GRIK2: variants seen among roughly 807,000 people sequenced by gnomAD.
GRIK2 encodes the protein glutamate receptor ionotropic, kainate 2.
Under a neutral mutation model 100.3 loss-of-function variants are expected in GRIK2, and 32 were observed. The observed-to-expected ratio is 0.32, with a 90% CI of 0.24 to 0.43. The LOEUF (loss-of-function observed/expected upper bound fraction) is 0.43. GRIK2 is among the 20% of genes least tolerant of loss of function. The pLI, the probability that GRIK2 is intolerant of heterozygous loss-of-function variation, is 1.00. For synonymous variants in GRIK2, 417 were observed against 389.4 expected, an observed-to-expected ratio of 1.07 and a Z score of -0.83; for missense variants, 843 against 1,114.9, an observed-to-expected ratio of 0.76 and a Z score of 3.47.
At chr6:101,937,735 T>G (rs991255695) in intron 14 of GRIK2, among the ~76,000 whole-genome samples, 1 of 152,064 alleles carries the variant, frequency 6.6e-6, no homozygotes, top group Admixed American at 6.6e-5. Context: ...ATTATACTTA[T>G]TGACATTGTG....
intron 10 of GRIK2, among the ~76,000 whole-genome samples, chr6:101,828,950 G>T (rs1337060999): frequency 6.6e-6 from 1 of 151,786 alleles, no homozygotes; most frequent in Non-Finnish European, 1.5e-5. Context: ...ATCTGGCAAA[G>T]ATACAACAAA....
intron 11 of GRIK2, among the ~76,000 whole-genome samples, chr6:101,873,580 G>GC (rs1388232004): frequency 2.6e-5 from 4 of 151,998 alleles, no homozygotes; most frequent in Non-Finnish European, 5.9e-5. Flanking sequence ...CTTTATAGCA[G>GC]CATGATTTAT....
At chr6:101,898,833 A>G (rs1400616517) in intron 12 of GRIK2, among the ~76,000 whole-genome samples, 1 of 152,000 alleles carries the variant, frequency 6.6e-6, no homozygotes, top group Non-Finnish European at 1.5e-5. Flanking sequence ...TCAATGTTAA[A>G]TAATAATGTA....
chr6:101,821,368 C>T (rs566760641), intron 10 of GRIK2, among the ~76,000 whole-genome samples: 43 of 152,198 alleles, frequency 2.8e-4, no homozygotes, highest in African/African-American at 9.6e-4. Flanking sequence ...ATGCCTAAAA[C>T]GTACCCCATA....
chr6:101,547,909 T>C (rs1776324453), intron 2 of GRIK2, among the ~76,000 whole-genome samples: 1 of 152,204 alleles, frequency 6.6e-6, no homozygotes, highest in African/African-American at 2.4e-5. Flanking sequence ...ACTCCCACAA[T>C]GGTTGAACTA....
chr6:101,989,849 T>G (rs1482446438), intron 14 of GRIK2, among the ~76,000 whole-genome samples: 1 of 151,464 alleles, frequency 6.6e-6, no homozygotes, highest in Non-Finnish European at 1.5e-5. Flanking sequence ...GTGGAAACCA[T>G]GAAATTATAT....
chr6:101,464,645 T>G (rs1771542373), intron 2 of GRIK2, among the ~76,000 whole-genome samples: 2 of 150,500 alleles, frequency 1.3e-5, no homozygotes, highest in African/African-American at 4.9e-5. Context: ...GCCTCCCGAA[T>G]AGCTGGGACT....
At chr6:101,533,885 A>G (rs1184721256) in intron 2 of GRIK2, among the ~76,000 whole-genome samples, 3 of 151,966 alleles carry the variant, frequency 2.0e-5, no homozygotes, top group African/African-American at 7.2e-5. Context: ...GATTGAATAT[A>G]GCTTTATAAC....
chr6:102,043,273 CT>C (rs1430757713), intron 15 of GRIK2, among the ~76,000 whole-genome samples: 1 of 130,802 alleles, frequency 7.6e-6, no homozygotes, highest in African/African-American at 2.9e-5. Flanking sequence ...ACCTCAGATA[CT>C]TTTTTATGGT....
At chr6:101,991,193 C>T (rs927857413) in intron 14 of GRIK2, among the ~76,000 whole-genome samples, 2 of 151,756 alleles carry the variant, frequency 1.3e-5, no homozygotes, top group Admixed American at 6.6e-5. Context: ...ATTAATTTCA[C>T]TCTTTATTGA....
chr6:102,037,390 A>G (rs1199617540), intron 15 of GRIK2, among the ~76,000 whole-genome samples: 1 of 151,398 alleles, frequency 6.6e-6, no homozygotes, highest in East Asian at 1.9e-4. Context: ...CTCAGTTGTT[A>G]AAACTCAACA....
intron 2 of GRIK2, among the ~76,000 whole-genome samples, chr6:101,543,628 G>A (rs1465845931): frequency 6.6e-6 from 1 of 152,164 alleles, no homozygotes; most frequent in Non-Finnish European, 1.5e-5. Flanking sequence ...CCGAGCCTGT[G>A]TTTATACTCC....
intron 14 of GRIK2, among the ~76,000 whole-genome samples, chr6:102,030,048 A>T (rs948419728): frequency 1.3e-5 from 2 of 151,310 alleles, no homozygotes; most frequent in Non-Finnish European, 3.0e-5. Context: ...ATAAATTTGC[A>T]GTATAATTAT....
chr6:101,796,105 T>C (rs1051372451), intron 7 of GRIK2, among the ~76,000 whole-genome samples: 1 of 152,180 alleles, frequency 6.6e-6, no homozygotes. Flanking sequence ...GAAAAGGATA[T>C]AAACTTTGGA....
At chr6:101,892,138 G>C (rs1416983816) in intron 12 of GRIK2, among the ~76,000 whole-genome samples, 1 of 152,036 alleles carries the variant, frequency 6.6e-6, no homozygotes, top group Non-Finnish European at 1.5e-5. Context: ...AGACAACTTC[G>C]AGGTAACTGT....
At chr6:101,671,636 C>A (rs148696795) in intron 4 of GRIK2, among the ~76,000 whole-genome samples, 2 of 152,174 alleles carry the variant, frequency 1.3e-5, no homozygotes, top group Non-Finnish European at 2.9e-5. Flanking sequence ...GAGGCCAAGG[C>A]GGGTGGATCG....
chr6:101,717,528 G>A (rs565197572), intron 7 of GRIK2, among the ~76,000 whole-genome samples: 1 of 151,830 alleles, frequency 6.6e-6, no homozygotes, highest in East Asian at 1.9e-4. Context: ...ATTTTCCTTA[G>A]GAAAGAGTCA....
intron 2 of GRIK2, among the ~76,000 whole-genome samples, chr6:101,587,431 T>A (rs1778432175): frequency 6.6e-6 from 1 of 152,106 alleles, no homozygotes; most frequent in Non-Finnish European, 1.5e-5. Flanking sequence ...CATCCATCCA[T>A]CCTTCCTACC....
chr6:101,566,388 C>T (rs1279455011), intron 2 of GRIK2, among the ~76,000 whole-genome samples: 1 of 152,050 alleles, frequency 6.6e-6, no homozygotes, highest in Non-Finnish European at 1.5e-5. Flanking sequence ...GATATCACTA[C>T]AGCTACTTAC....
Sources: gnomAD v4.1 joint callset for allele counts (sites outside exome capture counted in the v4.1 genomes callset) on GRCh38, gnomAD v4.1.1 for gene constraint, MANE v1.5 for transcripts, NCBI Gene and HGNC (gene_info 2026-07-23, HGNC 2026-07-21) for gene names.